Variants in SLCO5A1 observed in about 807,000 individuals in gnomAD.
The protein encoded by SLCO5A1 is organic anion transporter polypeptide-related protein 4.
Under a neutral mutation model 65.1 loss-of-function variants are expected in SLCO5A1, and 39 were observed. The ratio of observed to expected loss-of-function variants is 0.60; its 90% CI spans 0.46 to 0.78. SLCO5A1 has a LOEUF of 0.78. SLCO5A1 is among the 30% of genes least tolerant of loss of function. The pLI, the probability that SLCO5A1 is intolerant of heterozygous loss-of-function variation, is 0.00. For synonymous variants in SLCO5A1, 438 were observed against 415.7 expected (o/e 1.05, Z -0.65); for missense variants, 1,029 against 1,069.4 (o/e 0.96, Z 0.53).
intron 2 of SLCO5A1, among the ~76,000 whole-genome samples, chr8:69,823,811 A>G (rs2130922801): frequency 6.6e-6 from 1 of 152,308 alleles, no homozygotes; most frequent in East Asian, 1.9e-4. Flanking sequence ...ACCCCAAATC[A>G]ACAGAATATA....
At chr8:69,721,808 G>T (rs1015897707) in intron 5 of SLCO5A1, among the ~76,000 whole-genome samples, 9 of 151,982 alleles carry the variant, frequency 5.9e-5, no homozygotes, top group African/African-American at 2.2e-4. Flanking sequence ...CCTTTCAAAG[G>T]GTTTACCCCC....
In SLCO5A1 at chr8:69,667,304, A is replaced by G. The variant is rs1378377199; in HGVS notation, c.*5565T>C. On this transcript the variant is annotated 3_prime_UTR_variant, in exon 10 of 10. Coordinates refer to ENST00000260126, the MANE Select transcript of SLCO5A1 (RefSeq NM_030958.3). Reference sequence around the variant, plus strand: ...CTACACAAAACACACACACACACACACAAACACACACTCCACTAAGAACCT... The same window carrying G: ...CTACACAAAACACACACACACACACGCAAACACACACTCCACTAAGAACCT... 1 of 152,146 alleles carries G rather than the reference A, an allele frequency of 6.6e-6. No individual in the cohort carries two copies. Among genetic ancestry groups the G allele is most frequent in the African/African-American group, 2.4e-5 (1 of 41,428 alleles). The allele number at this position is 152,146 out of a possible 1,614,324, so 9.4% of individuals were successfully genotyped here. A position where few individuals can be genotyped will look rare whatever the true frequency, so the allele number is the denominator to read the frequency against.
Position 69,726,498 on chromosome 8 carries a change from T to C in SLCO5A1, c.1423+11542A>G, listed in dbSNP as rs867168031. On this transcript the variant is annotated intron_variant, in intron 5 of 9. Coordinates refer to ENST00000260126, the MANE Select transcript of SLCO5A1 (RefSeq NM_030958.3). ...TTTCTCTTTCATTTTCCTACCTCCT[T>C]TTTTTTTTTTTTTTTTGGGGGGACA... Among the ~76,000 whole-genome samples the C allele has an allele frequency of 6.8e-3, 953 of 139,914 alleles. 16 individuals are homozygous for C. The highest frequency in any genetic ancestry group is 0.015 in the Middle Eastern group (4 of 274). 91.8% of individuals were successfully genotyped at this position (139,914 alleles called of 152,430 possible).
At chr8:69,761,447 C>A in intron 3 of SLCO5A1, 1 of 300,204 alleles carries the variant, frequency 3.3e-6, no homozygotes. Flanking sequence ...TTCTTGCCCT[C>A]CTGCTTCCGT....
At chr8:69,711,696 A>G (rs1216968068) in intron 5 of SLCO5A1, among the ~76,000 whole-genome samples, 1 of 152,216 alleles carries the variant, frequency 6.6e-6, no homozygotes, top group Non-Finnish European at 1.5e-5. Flanking sequence ...GCATGTCTTC[A>G]GGCAAATTAC....
intron 5 of SLCO5A1, among the ~76,000 whole-genome samples, chr8:69,722,272 A>G (rs1417225694): frequency 1.3e-5 from 2 of 152,232 alleles, no homozygotes; most frequent in African/African-American, 4.8e-5. Flanking sequence ...ACCTAAACTC[A>G]TGGAGGGAAA....
chr8:69,794,157 T>C (rs548893754), intron 2 of SLCO5A1: 3 of 282,038 alleles, frequency 1.1e-5, no homozygotes, highest in Admixed American at 4.7e-5. Context: ...GGGAGATGTA[T>C]GCATTACCAT....
At chr8:69,722,004 T>G (rs1815845409) in intron 5 of SLCO5A1, among the ~76,000 whole-genome samples, 1 of 152,122 alleles carries the variant, frequency 6.6e-6, no homozygotes, top group Non-Finnish European at 1.5e-5. Context: ...AAACCTCATC[T>G]GTACTAAAAC....
chr8:69,753,143 C>T (rs1817390794), intron 4 of SLCO5A1, among the ~76,000 whole-genome samples: 1 of 152,072 alleles, frequency 6.6e-6, no homozygotes, highest in South Asian at 2.1e-4. Flanking sequence ...GACAAGAGTT[C>T]GCATCTAAGT....
Position 69,705,211 on chromosome 8 carries a change from C to A in SLCO5A1, c.1442G>T (p.Ser481Ile), listed in dbSNP as rs1238088845. ...SIYTGVIIVPSAGVGIVLGGY... is the reference protein window; with the variant it reads ...SIYTGVIIVPIAGVGIVLGGY... ...TCCGAGGACAATACCAACACCAGCA[C>A]TGGGGACGATAATAACCCCTGGGGA... is the stretch of plus-strand genomic sequence containing the variant. The change falls in exon 6 of 10, where the codon AGT becomes ATT. Residue 481 changes from serine (S) to isoleucine (I), a missense_variant. Ser to Ile is a moderately radical substitution (Grantham distance 142, BLOSUM62 -2). Coordinates refer to ENST00000260126, the MANE Select transcript of SLCO5A1 (RefSeq NM_030958.3). The A allele has an allele frequency of 6.2e-7, 1 of 1,614,140 alleles. No homozygotes were observed. The highest frequency in any genetic ancestry group is 8.5e-7 in the Non-Finnish European group (1 of 1,180,026).
chr8:69,823,534 A>T (rs1293494291), intron 2 of SLCO5A1, among the ~76,000 whole-genome samples: 3 of 152,246 alleles, frequency 2.0e-5, no homozygotes, highest in Non-Finnish European at 4.4e-5. Context: ...AAAGAAGGCC[A>T]TTACATAATG....
intron 2 of SLCO5A1, among the ~76,000 whole-genome samples, chr8:69,823,075 A>C (rs150505349): frequency 8.3e-4 from 126 of 152,272 alleles, no homozygotes; most frequent in African/African-American, 2.9e-3. Context: ...TTTCCTACCT[A>C]GTTCGGCATT....
intron 6 of SLCO5A1, among the ~76,000 whole-genome samples, chr8:69,686,008 C>A (rs1164069942): frequency 6.6e-6 from 1 of 152,076 alleles, no homozygotes; most frequent in African/African-American, 2.4e-5. Flanking sequence ...CAATTGTGTC[C>A]CATCACCCTA....
intron 2 of SLCO5A1, among the ~76,000 whole-genome samples, chr8:69,765,252 A>C (rs1202034189): frequency 1.3e-5 from 2 of 152,136 alleles, no homozygotes; most frequent in East Asian, 3.8e-4. Flanking sequence ...ATACACACAT[A>C]TACAACTACA....
At chr8:69,705,801 C>T (rs772749672) in intron 5 of SLCO5A1, among the ~76,000 whole-genome samples, 4 of 152,194 alleles carry the variant, frequency 2.6e-5, no homozygotes, top group African/African-American at 4.8e-5. Context: ...AAATACCACA[C>T]GTTAAAGATG....
rs749537576 is a variant in SLCO5A1 at position 69,672,908 on chromosome 8, C to A, written c.2508G>T (p.Gly836=). The change falls in exon 10 of 10, where the codon GGG becomes GGT. Residue 836 remains glycine (G), a synonymous_variant. Transcript: ENST00000260126. ...PEAISSSADP[G]LEESPAALEP... ...CCAAGGCAGCGGGGCTCTCTTCCAG[C>A]CCCGGGTCCGCAGAGGAACTTATTG... 4 of 1,613,758 alleles carry A rather than the reference C, an allele frequency of 2.5e-6. No homozygotes were observed. The South Asian group carries it at 4.4e-5, about 18-fold the overall frequency.
chr8:69,784,873 G>GAAATAA (rs1563722881), intron 2 of SLCO5A1, among the ~76,000 whole-genome samples: 1 of 67,200 alleles, frequency 1.5e-5, no homozygotes, highest in Non-Finnish European at 2.9e-5. Context: ...GGGAAGGAAG[G>GAAATAA]AGAAAGAAAG....
At chr8:69,712,375 T>C (rs1441019374) in intron 5 of SLCO5A1, among the ~76,000 whole-genome samples, 1 of 152,178 alleles carries the variant, frequency 6.6e-6, no homozygotes, top group Non-Finnish European at 1.5e-5. Context: ...TTATGAAAAA[T>C]TAATATTTAT....
chr8:69,813,435 C>T (rs1820288824), intron 2 of SLCO5A1, among the ~76,000 whole-genome samples: 3 of 151,990 alleles, frequency 2.0e-5, no homozygotes, highest in Non-Finnish European at 4.4e-5. Context: ...GGTAACCTGC[C>T]CCTGTCTTTC....
Sources: allele counts gnomAD v4.1 joint callset (sites outside exome capture counted in the v4.1 genomes callset), GRCh38; gene constraint gnomAD v4.1.1; transcripts MANE v1.5; gene names NCBI Gene and HGNC (gene_info 2026-07-23, HGNC 2026-07-21).